HERC2: variants seen among roughly 807,000 people sequenced by gnomAD.
HERC2 encodes HECT and RLD domain containing E3 ubiquitin protein ligase 2, also known as E3 ubiquitin-protein ligase HERC2.
In HERC2, 102 loss-of-function variants were observed where a neutral mutation model predicts 537.7. The observed-to-expected ratio is 0.19, with a 90% CI of 0.16 to 0.22. HERC2 has a LOEUF of 0.22. HERC2 is among the 10% of genes least tolerant of loss of function. HERC2 has a pLI of 1.00. For synonymous variants in HERC2, 2,224 were observed against 2,466.2 expected, an observed-to-expected ratio of 0.90 and a Z score of 2.91; for missense variants, 4,236 against 6,198.2, an observed-to-expected ratio of 0.68 and a Z score of 10.63.
rs779180399 is a variant in HERC2, at chr15:28,122,930, T to C, written c.13188+1107A>G. Among the ~76,000 whole-genome samples, 4 of 152,126 alleles carry C rather than the reference T, an allele frequency of 2.6e-5. No individual in the cohort carries two copies. Among genetic ancestry groups the C allele is most frequent in the Admixed American group, 2.0e-4 (3 of 15,260 alleles). ...CCCTGCCTCTCACTTTTTTTCTCCC[T>C]ACAAAGAAAGGTTTTTTTCCTCTGT... is the stretch of plus-strand genomic sequence containing the variant. On this transcript the variant is annotated intron_variant, in intron 85 of 92. Coordinates refer to ENST00000261609, the MANE Select transcript of HERC2 (RefSeq NM_004667.6). The surrounding 1 kb of genome is among the most constrained non-coding windows in gnomAD (Gnocchi z 4.1).
chr15:28,203,808 G>A (rs1244641416), intron 45 of HERC2: 1 of 151,920 alleles, frequency 6.6e-6, no homozygotes, highest in Non-Finnish European at 1.5e-5. Context: ...AATCTAAACT[G>A]AAGCACCACT....
At chr15:28,257,377 G>C (rs1312859348) in intron 16 of HERC2, 116 bp from the exon 17 acceptor site, 5 of 801,246 alleles carry the variant, frequency 6.2e-6, no homozygotes, top group Non-Finnish European at 1.0e-5. Context: ...ATCATCCCTC[G>C]AACTGCCCAG....
chr15:28,115,389 C>CAAGACCCT lies in HERC2; in HGVS notation c.13722+32_13722+39dup, dbSNP rs753662514. 4.7e-4 allele frequency: 659 copies of CAAGACCCT among 1,409,146 alleles called. 2 individuals are homozygous for CAAGACCCT. Among genetic ancestry groups the CAAGACCCT allele is most frequent in the Admixed American group, 3.6e-4 (20 of 56,028 alleles). The allele number at this position is 1,409,146 out of a possible 1,614,324, so 87.3% of individuals were successfully genotyped here. A position where few individuals can be genotyped will look rare whatever the true frequency, so the allele number is the denominator to read the frequency against. ...CCGCAGAACAGACTGTGCCTGTTAACAAGACCCTAGAGGCCCCGCCTGCCG... is the reference window on the plus strand; with the variant it reads ...CCGCAGAACAGACTGTGCCTGTTAACAAGACCCTAAGACCCTAGAGGCCCCGCCTGCCG... On this transcript the variant is annotated intron_variant, in intron 89 of 92. Coordinates refer to ENST00000261609, the MANE Select transcript of HERC2 (RefSeq NM_004667.6).
intron 2 of HERC2, among the ~76,000 whole-genome samples, chr15:28,310,442 CA>C (rs1361095099): frequency 1.2e-4 from 18 of 149,034 alleles, no homozygotes; most frequent in African/African-American, 1.7e-4. Context: ...AAGACCCTAT[CA>C]AAAAAAAATT....
intron 79 of HERC2, among the ~76,000 whole-genome samples, chr15:28,134,543 C>A (rs1481053943): frequency 6.6e-6 from 1 of 152,174 alleles, no homozygotes; most frequent in Non-Finnish European, 1.5e-5. Context: ...TGATCCTCAA[C>A]TCAGGGGGAA....
chr15:28,194,746 T>A (rs1897191056), intron 52 of HERC2, among the ~76,000 whole-genome samples: 1 of 152,284 alleles, frequency 6.6e-6, no homozygotes, highest in South Asian at 2.1e-4. Flanking sequence ...CTGTTAGATA[T>A]GTATTTATAT....
Position 28,176,017 on chromosome 15 carries a change from C to A in HERC2, c.9687-361G>T, listed in dbSNP as rs761984787. Among the ~76,000 whole-genome samples the A allele has an allele frequency of 3.0e-4, 46 of 152,216 alleles. 1 individual carries two copies. The highest frequency in any genetic ancestry group is 1.4e-3 in the Admixed American group (21 of 15,282). ...ATGACATTGGCACTAAGGCCTGACA[C>A]ACCATCCACAGCCAGTCCAGGCACC... On this transcript the variant is annotated intron_variant, in intron 63 of 92. Transcript: ENST00000261609. The surrounding 1 kb of genome is among the most constrained non-coding windows in gnomAD (Gnocchi z 5.0).
intron 86 of HERC2, among the ~76,000 whole-genome samples, chr15:28,120,014 G>A (rs1333454844): frequency 1.3e-5 from 2 of 152,148 alleles, no homozygotes; most frequent in Non-Finnish European, 2.9e-5. Flanking sequence ...GTCTGCGTGC[G>A]GTTTTGAGGG....
In HERC2 at chr15:28,177,864, A is replaced by C. The variant is rs992001632; in HGVS notation, c.9164-355T>G. ...TTAGACAAAATGTAAAAATAGTGTC[A>C]ATTTAAGTTTTTGAGAACTGTACCT... On this transcript the variant is annotated intron_variant, in intron 59 of 92. Coordinates refer to ENST00000261609, the MANE Select transcript of HERC2 (RefSeq NM_004667.6). The surrounding 1 kb of genome is among the most constrained non-coding windows in gnomAD (Gnocchi z 5.0). Among the ~76,000 whole-genome samples the C allele has an allele frequency of 2.6e-5, 4 of 152,230 alleles. No homozygotes were observed. Among genetic ancestry groups the C allele is most frequent in the African/African-American group, 9.6e-5 (4 of 41,462 alleles).
intron 23 of HERC2, among the ~76,000 whole-genome samples, chr15:28,239,832 C>A (rs1314460989): frequency 6.6e-6 from 1 of 152,002 alleles, no homozygotes; most frequent in South Asian, 2.1e-4. Flanking sequence ...AAAAAGAAAA[C>A]GGTATGATCA....
At chr15:28,129,850 CACTGCA>C (rs976875807) in intron 83 of HERC2, among the ~76,000 whole-genome samples, 2 of 150,528 alleles carry the variant, frequency 1.3e-5, no homozygotes, top group African/African-American at 4.9e-5. Context: ...GATCTTGGCT[CACTGCA>C]ACCTCCACCT....
chr15:28,113,597 G>A lies in HERC2; in HGVS notation c.13995C>T (p.Phe4665=), dbSNP rs1887895087. The A allele has an allele frequency of 1.2e-6, 2 of 1,614,036 alleles. No individual in the cohort carries two copies. Among genetic ancestry groups the A allele is most frequent in the Non-Finnish European group, 1.7e-6 (2 of 1,180,004 alleles). The change falls in exon 91 of 93, where the codon TTC becomes TTT. Residue 4665 remains phenylalanine, a synonymous_variant. Transcript: ENST00000261609. The surrounding 1 kb of genome is among the most constrained non-coding windows in gnomAD (Gnocchi z 7.0). ...RVVPVPLLSL[F]TGYELETMVC... ...CCATCGTCTCCAGTTCGTAGCCGGTGAACAGAGAGAGGAGGGGAACAGGCA... is the reference window on the plus strand; with the variant it reads ...CCATCGTCTCCAGTTCGTAGCCGGTAAACAGAGAGAGGAGGGGAACAGGCA...
intron 65 of HERC2, among the ~76,000 whole-genome samples, chr15:28,173,416 A>G (rs1216799377): frequency 5.9e-5 from 9 of 152,254 alleles, no homozygotes; most frequent in African/African-American, 1.4e-4. Flanking sequence ...TACATGCAAC[A>G]TAAGTGAATC....
At chr15:28,201,381 T>G in intron 48 of HERC2, 75 bp downstream of exon 48, 1 of 971,018 alleles carries the variant, frequency 1.0e-6, no homozygotes, top group Non-Finnish European at 1.7e-6. Flanking sequence ...CCACTGATGT[T>G]TGGCATATAG....
intron 31 of HERC2, among the ~76,000 whole-genome samples, chr15:28,230,064 G>A (rs918205521): frequency 1.3e-4 from 20 of 152,174 alleles, no homozygotes; most frequent in Non-Finnish European, 2.5e-4. Flanking sequence ...GGCATACAAA[G>A]CTAAGTTATG....
At chr15:28,267,487 C>T (rs1329027503) in intron 12 of HERC2, among the ~76,000 whole-genome samples, 2 of 152,186 alleles carry the variant, frequency 1.3e-5, no homozygotes, top group South Asian at 2.1e-4. Flanking sequence ...TTTCAAGTCC[C>T]GTGTACCCCA....
At position 28,229,187 on chromosome 15, in the gene HERC2, T is replaced by C. The variant is rs1901567115; in HGVS notation, c.5272+8A>G. ...TATAAAATAACATTGATACAATTAT[T>C]GACTCACCAAGCTCTTTAAATTTGG... On this transcript the variant is annotated splice_region_variant and intron_variant, in intron 34 of 92. Transcript: ENST00000261609. 1 of 1,608,522 alleles carries C rather than the reference T, an allele frequency of 6.2e-7. No homozygotes were observed. The highest frequency in any genetic ancestry group is 1.7e-5 in the Admixed American group (1 of 59,998).
At chr15:28,292,549 C>T (rs2076346484) in intron 4 of HERC2, among the ~76,000 whole-genome samples, 1 of 152,114 alleles carries the variant, frequency 6.6e-6, no homozygotes, top group African/African-American at 2.4e-5. Context: ...GGTGCGATGG[C>T]TCACACCTGA....
At chr15:28,135,746 A>C (rs1890568897) in intron 78 of HERC2, 54 bp from the exon 79 acceptor site, 5 of 1,280,612 alleles carry the variant, frequency 3.9e-6, no homozygotes, top group Non-Finnish European at 5.6e-6. Flanking sequence ...ATATCCCCTA[A>C]ATTTACTAAT....
Sources: allele counts gnomAD v4.1 joint callset (sites outside exome capture counted in the v4.1 genomes callset), GRCh38; gene constraint gnomAD v4.1.1; non-coding constraint Gnocchi (gnomAD v3.1); transcripts MANE v1.5; gene names NCBI Gene and HGNC (gene_info 2026-07-23, HGNC 2026-07-21).